RSU1: variants seen among roughly 807,000 people sequenced by gnomAD.
The protein encoded by RSU1 is rsu-1.
RSU1 carries 26 observed loss-of-function variants against 31.1 expected under a neutral mutation model. That is an observed-to-expected ratio of 0.84 (90% CI 0.61 to 1.16). The LOEUF is 1.16. Among genes scored for constraint, RSU1 ranks in the 50% most tolerant of loss-of-function variants. The pLI is 0.00. For synonymous variants in RSU1, 164 were observed against 136.3 expected (o/e 1.20, Z -1.41); for missense variants, 320 against 339.1 (o/e 0.94, Z 0.44).
At chr10:16,754,546 CTT>C (rs11311165) in intron 5 of RSU1, among the ~76,000 whole-genome samples, 2,084 of 134,440 alleles carry the variant, frequency 0.016, 44 homozygotes, top group African/African-American at 0.053. Context: ...TAGGAAGATA[CTT>C]TTTTTTTTTT....
At chr10:16,670,989 C>A (rs751866881) in intron 8 of RSU1, among the ~76,000 whole-genome samples, 3 of 152,200 alleles carry the variant, frequency 2.0e-5, no homozygotes, top group South Asian at 2.1e-4. Context: ...TGGTCTTGAA[C>A]TCCTGACCTC....
intron 8 of RSU1, among the ~76,000 whole-genome samples, chr10:16,613,593 A>G (rs995266512): frequency 3.9e-5 from 6 of 152,200 alleles, no homozygotes; most frequent in African/African-American, 1.2e-4. Flanking sequence ...AGACATCAAG[A>G]ATCTGGGCTT....
intron 8 of RSU1, among the ~76,000 whole-genome samples, chr10:16,610,418 C>A (rs2131467347): frequency 6.6e-6 from 1 of 152,314 alleles, no homozygotes; most frequent in East Asian, 1.9e-4. Context: ...GTGGCCAACC[C>A]TTGGGCCGTG....
chr10:16,623,070 A>G (rs1411683259), intron 8 of RSU1, among the ~76,000 whole-genome samples: 2 of 151,984 alleles, frequency 1.3e-5, no homozygotes, highest in Non-Finnish European at 2.9e-5. Context: ...CAGGGGGTCC[A>G]TGTAGAGATT....
chr10:16,708,852 C>G (rs1041094792), intron 7 of RSU1, among the ~76,000 whole-genome samples: 8 of 149,862 alleles, frequency 5.3e-5, no homozygotes, highest in African/African-American at 1.7e-4. Flanking sequence ...GAGCTGTTTT[C>G]TTGATTTCTT....
intron 7 of RSU1, among the ~76,000 whole-genome samples, chr10:16,715,938 G>A (rs748720967): frequency 1.3e-5 from 2 of 152,134 alleles, no homozygotes; most frequent in Non-Finnish European, 2.9e-5. Flanking sequence ...TTTTTAGCAG[G>A]TTGCATTTAA....
At chr10:16,636,331 C>A (rs1438424763) in intron 8 of RSU1, among the ~76,000 whole-genome samples, 1 of 152,114 alleles carries the variant, frequency 6.6e-6, no homozygotes, top group African/African-American at 2.4e-5. Flanking sequence ...TTCTTCAAGT[C>A]GCTCAGCTAA....
At chr10:16,614,720 G>T (rs1490264250) in intron 8 of RSU1, among the ~76,000 whole-genome samples, 1 of 152,040 alleles carries the variant, frequency 6.6e-6, no homozygotes, top group African/African-American at 2.4e-5. Context: ...AAAGCAAGCT[G>T]CCTTAGATGA....
intron 7 of RSU1, among the ~76,000 whole-genome samples, chr10:16,696,548 A>G (rs1229604087): frequency 6.6e-6 from 1 of 152,210 alleles, no homozygotes; most frequent in Non-Finnish European, 1.5e-5. Context: ...CTAAATATCA[A>G]GAGAGAGTAA....
At chr10:16,694,901 A>G (rs1044765553) in intron 8 of RSU1, 122 bp downstream of exon 8, 7 of 917,270 alleles carry the variant, frequency 7.6e-6, no homozygotes, top group Admixed American at 2.6e-5. Flanking sequence ...TTAATAAAAC[A>G]TCTTAAAATG....
At position 16,648,339 on chromosome 10, in the gene RSU1, G is replaced by C. The variant is rs910358263; in HGVS notation, c.731+46684C>G. Among the ~76,000 whole-genome samples the C allele has an allele frequency of 2.0e-5, 3 of 152,048 alleles. No homozygotes were observed. The East Asian group carries it at 5.8e-4, about 29-fold the overall frequency. On this transcript the variant is annotated intron_variant, in intron 8 of 8. Transcript: ENST00000345264. The stretch of plus-strand genomic sequence containing the variant: ...CATCTCACAAAGAATGATCATTTTG[G>C]GGAAACTAAGGCAGTTCAAAGGCAG...
At chr10:16,739,509 C>T (rs373238081) in intron 7 of RSU1, among the ~76,000 whole-genome samples, 4 of 118,522 alleles carry the variant, frequency 3.4e-5, no homozygotes, top group African/African-American at 6.6e-5. Context: ...CTCGCTCTGT[C>T]GCCCAGGCTG....
At position 16,809,660 on chromosome 10, in the gene RSU1, A is replaced by G. The variant is rs1170326413; in HGVS notation, c.109+7313T>C. On this transcript the variant is annotated intron_variant, in intron 2 of 8. Transcript: ENST00000345264. The stretch of plus-strand genomic sequence containing the variant: ...GAAGAGGTCTTTACGCTGAATTAAA[A>G]AAAAAGTCATCTCTAGTCTTTTCTC... Among the ~76,000 whole-genome samples, 7 of 152,234 alleles carry G rather than the reference A, an allele frequency of 4.6e-5. No homozygotes were observed. The South Asian group carries it at 6.2e-4, about 14-fold the overall frequency.
intron 2 of RSU1, among the ~76,000 whole-genome samples, chr10:16,782,911 C>T (rs560974026): frequency 4.1e-5 from 6 of 146,932 alleles, no homozygotes; most frequent in African/African-American, 1.3e-4. Flanking sequence ...TAAATTTTTC[C>T]TATTTTTTTT....
chr10:16,670,019 G>A (rs1420469836), intron 8 of RSU1, among the ~76,000 whole-genome samples: 2 of 152,108 alleles, frequency 1.3e-5, no homozygotes, highest in Non-Finnish European at 2.9e-5. Flanking sequence ...CTCACAAATG[G>A]TGTCTAGGTC....
At chr10:16,633,910 A>G (rs1162665224) in intron 8 of RSU1, among the ~76,000 whole-genome samples, 26 of 152,118 alleles carry the variant, frequency 1.7e-4, no homozygotes, top group Non-Finnish European at 7.4e-5. Flanking sequence ...ACCACTGATC[A>G]CCACCTGGTT....
intron 2 of RSU1, among the ~76,000 whole-genome samples, chr10:16,812,133 G>C (rs1011762808): frequency 3.6e-4 from 55 of 152,232 alleles, no homozygotes; most frequent in African/African-American, 1.3e-3. Context: ...ACACAACCTA[G>C]AGGAGTGAAA....
chr10:16,809,986 C>CGGGGGGGGGGGGGGGGGGGGGGGG (rs747676679), intron 2 of RSU1, among the ~76,000 whole-genome samples: 1 of 76,962 alleles, frequency 1.3e-5, no homozygotes, highest in African/African-American at 4.5e-5. Flanking sequence ...TTTGGGAGGC[C>CGGGGGGGGGGGGGGGGGGGGGGGG]GGGGGTGGGG....
At chr10:16,688,510 G>A (rs1244384016) in intron 8 of RSU1, among the ~76,000 whole-genome samples, 2 of 152,206 alleles carry the variant, frequency 1.3e-5, no homozygotes, top group Admixed American at 6.5e-5. Flanking sequence ...TCGGGAGGCT[G>A]AGGCAGGAGA....
Sources: allele counts gnomAD v4.1 joint callset (sites outside exome capture counted in the v4.1 genomes callset), GRCh38; gene constraint gnomAD v4.1.1; transcripts MANE v1.5; gene names NCBI Gene and HGNC (gene_info 2026-07-23, HGNC 2026-07-21).